CHD6: variants seen among roughly 807,000 people sequenced by gnomAD.
The protein encoded by CHD6 is ATP-dependent chromatin remodeler CHD6.
In CHD6, 50 loss-of-function variants were observed where a neutral mutation model predicts 276.9. That is an observed-to-expected ratio of 0.18 (90% CI 0.14 to 0.23). The LOEUF is 0.23. Among genes scored for constraint, CHD6 ranks in the 10% least tolerant of loss-of-function variants. CHD6 has a pLI of 1.00. For synonymous variants in CHD6, 1,173 were observed against 1,229.3 expected, an observed-to-expected ratio of 0.95 and a Z score of 0.96; for missense variants, 2,564 against 3,365.8, an observed-to-expected ratio of 0.76 and a Z score of 5.89.
chr20:41,458,502 C>G (rs952565761), intron 17 of CHD6, among the ~76,000 whole-genome samples: 2 of 151,958 alleles, frequency 1.3e-5, no homozygotes, highest in Non-Finnish European at 2.9e-5. Flanking sequence ...AAAAGGAAGA[C>G]GAGAATCAAC....
intron 1 of CHD6, among the ~76,000 whole-genome samples, chr20:41,555,157 G>A (rs1398090244): frequency 7.7e-6 from 1 of 129,374 alleles, no homozygotes; most frequent in Non-Finnish European, 1.6e-5. Flanking sequence ...GGGCAGAGGG[G>A]CTCCTCACTT....
At chr20:41,574,835 C>G (rs1333572070) in intron 1 of CHD6, among the ~76,000 whole-genome samples, 1 of 152,048 alleles carries the variant, frequency 6.6e-6, no homozygotes, top group African/African-American at 2.4e-5. Flanking sequence ...AGGCAGGGAA[C>G]CTAAGGCCGA....
In CHD6 at chr20:41,526,697, T is replaced by C. The variant is rs371841695; in HGVS notation, c.554+6353A>G. 8.2e-4 allele frequency among the ~76,000 whole-genome samples: 125 copies of C among 152,288 alleles called. 1 individual carries two copies. The highest frequency in any genetic ancestry group is 2.9e-3 in the African/African-American group (120 of 41,570). On this transcript the variant is annotated intron_variant, in intron 3 of 36. Coordinates refer to ENST00000373233, the MANE Select transcript of CHD6 (RefSeq NM_032221.5). ...ACAAATGGGGATGAAAAACTGAAAC[T>C]GGGGCTGATCACACCAACCACTTCT... is the stretch of plus-strand genomic sequence containing the variant.
intron 1 of CHD6, among the ~76,000 whole-genome samples, chr20:41,615,879 C>T (rs2045930838): frequency 6.6e-6 from 1 of 152,202 alleles, no homozygotes; most frequent in African/African-American, 2.4e-5. Context: ...AGCCATACTT[C>T]CAAGAAAACC....
chr20:41,498,657 C>T (rs546242154), intron 6 of CHD6, among the ~76,000 whole-genome samples: 2 of 152,258 alleles, frequency 1.3e-5, no homozygotes, highest in East Asian at 3.9e-4. Flanking sequence ...GCCGTGCTCT[C>T]ACCAGCACCA....
At chr20:41,576,067 T>C (rs1486727272) in intron 1 of CHD6, among the ~76,000 whole-genome samples, 1 of 151,416 alleles carries the variant, frequency 6.6e-6, no homozygotes, top group Non-Finnish European at 1.5e-5. Flanking sequence ...AAATTAATTC[T>C]TTTTTTTTCT....
In CHD6 at chr20:41,427,079, C is replaced by T. The variant is rs542232626; in HGVS notation, c.4069-926G>A. Among the ~76,000 whole-genome samples the T allele has an allele frequency of 6.6e-5, 10 of 152,018 alleles. No individual in the cohort carries two copies. In the Middle Eastern group the frequency reaches 0.014, roughly 207 times the overall value. The stretch of plus-strand genomic sequence containing the variant: ...GCCCTCAAGCTAAGAATGGTTCTTA[C>T]GTTTTTAAAGGGTGAAAAAAAGGGA... On this transcript the variant is annotated intron_variant, in intron 27 of 36. Transcript: ENST00000373233.
chr20:41,510,459 C>G (rs1365224012), intron 5 of CHD6, among the ~76,000 whole-genome samples: 1 of 152,204 alleles, frequency 6.6e-6, no homozygotes, highest in Admixed American at 6.5e-5. Flanking sequence ...GAGGCCAGCC[C>G]CACATGGTCG....
At position 41,531,224 on chromosome 20, in the gene CHD6, C is replaced by T. The variant is rs556657644; in HGVS notation, c.554+1826G>A. Among the ~76,000 whole-genome samples the T allele has an allele frequency of 3.4e-4, 51 of 152,234 alleles. No individual in the cohort carries two copies. In the South Asian group the frequency reaches 0.011, roughly 32 times the overall value. The stretch of plus-strand genomic sequence containing the variant: ...ACCAGTGGCTAAGTGGGCTCAGACA[C>T]CTATGGCTTTCTAATGTCTTCTAGA... On this transcript the variant is annotated intron_variant, in intron 3 of 36. Coordinates refer to ENST00000373233, the MANE Select transcript of CHD6 (RefSeq NM_032221.5).
chr20:41,587,921 G>A (rs1272415715), intron 1 of CHD6, among the ~76,000 whole-genome samples: 1 of 152,124 alleles, frequency 6.6e-6, no homozygotes, highest in Non-Finnish European at 1.5e-5. Flanking sequence ...TAAGCAATAG[G>A]AGTAAACGCT....
rs150853948 is a variant in CHD6, at chr20:41,464,921, C to T, written c.2665-7493G>A. On this transcript the variant is annotated intron_variant, in intron 17 of 36. Transcript: ENST00000373233. ...GAAGCCAATGTAAAGGAGCTACCAA[C>T]GGCCAAATCTGGACAACCTGAAAAC... Among the ~76,000 whole-genome samples, 62 of 152,278 alleles carry T rather than the reference C, an allele frequency of 4.1e-4. No individual in the cohort carries two copies. The East Asian group carries it at 9.4e-3, about 23-fold the overall frequency.
intron 17 of CHD6, among the ~76,000 whole-genome samples, chr20:41,471,830 C>G (rs1305755306): frequency 2.6e-5 from 4 of 152,116 alleles, no homozygotes; most frequent in Non-Finnish European, 5.9e-5. Context: ...CCACCGTGCC[C>G]GGCCATTATT....
In CHD6 at chr20:41,415,333, C is replaced by G. The variant is rs200490284; in HGVS notation, c.6792G>C (p.Leu2264=). The G allele has an allele frequency of 6.7e-5, 108 of 1,614,192 alleles. No individual in the cohort carries two copies. In the Middle Eastern group the frequency reaches 9.9e-4, roughly 15 times the overall value. The change falls in exon 34 of 37, where the codon CTG becomes CTC. Residue 2264 remains leucine, a synonymous_variant. Coordinates refer to ENST00000373233, the MANE Select transcript of CHD6 (RefSeq NM_032221.5). ...MDLSGILQAG[L]IHPVTGQIVN... is the part of the protein sequence containing the mutation. The stretch of plus-strand genomic sequence containing the variant: ...CAATCTGTCCAGTCACAGGATGGAT[C>G]AGGCCAGCTTGCAGAATCCCAGACA...
At position 41,420,580 on chromosome 20, in the gene CHD6, C is replaced by T; in HGVS notation, c.6055G>A (p.Glu2019Lys). 1 of 1,614,116 alleles carries T rather than the reference C, an allele frequency of 6.2e-7. No homozygotes were observed. The highest frequency in any genetic ancestry group is 8.5e-7 in the Non-Finnish European group (1 of 1,179,978). Residue 2019 changes from glutamate (E) to lysine (K), a missense_variant, in exon 31 of 37, where the codon GAG (glutamate) becomes AAG (lysine). By Grantham distance (56) the Glu-to-Lys change is moderately conservative. Transcript: ENST00000373233. The part of the protein sequence containing the change: ...VFPTYPLEGS[E>K]LKSEDMDFEN... ...AAATCCATGTCTTCTGATTTGAGCT[C>T]ACTTCCTTCAAGAGGATATGTGGGG...
chr20:41,413,642 G>A (rs76795216), intron 34 of CHD6, 127 bp from the exon 35 acceptor site: 12,273 of 813,780 alleles, frequency 0.015, 135 homozygotes, highest in South Asian at 0.03. Flanking sequence ...CTCAGCTGGG[G>A]TGCCTGAATT....
chr20:41,554,320 A>G lies in CHD6; in HGVS notation c.-23-2960T>C, dbSNP rs1178248465. 2.6e-5 allele frequency among the ~76,000 whole-genome samples: 4 copies of G among 152,296 alleles called. No individual in the cohort carries two copies. The East Asian group carries it at 7.7e-4, about 29-fold the overall frequency. ...AATAAAAACAAGCAGGGCACCTAAC[A>G]CTGCCAGGAATGTGGGAAAACAGGT... On this transcript the variant is annotated intron_variant, in intron 1 of 36. Transcript: ENST00000373233.
At chr20:41,499,193 T>G (rs543960720) in intron 6 of CHD6, 102 bp downstream of exon 6, 5 of 839,182 alleles carry the variant, frequency 6.0e-6, no homozygotes, top group East Asian at 2.8e-5. Flanking sequence ...TAGCTCTCAC[T>G]CCAGCCAATA....
At position 41,402,388 on chromosome 20, in the gene CHD6, A is replaced by T. The variant is rs190010822; in HGVS notation, c.*2205T>A. ...GAACACCCAGAGAGTTAACATACAG[A>T]TTCCATAAGGATAACAAGGGATTGA... On this transcript the variant is annotated 3_prime_UTR_variant, in exon 37 of 37. Coordinates refer to ENST00000373233, the MANE Select transcript of CHD6 (RefSeq NM_032221.5). 103 of 229,760 alleles carry T rather than the reference A, an allele frequency of 4.5e-4. No individual in the cohort carries two copies. The highest frequency in any genetic ancestry group is 2.1e-3 in the African/African-American group (93 of 45,278). The allele number at this position is 229,760 out of a possible 1,614,324, so 14.2% of individuals were successfully genotyped here.
chr20:41,580,884 A>G (rs1057416870), intron 1 of CHD6, among the ~76,000 whole-genome samples: 5 of 152,300 alleles, frequency 3.3e-5, no homozygotes, highest in Admixed American at 3.3e-4. Flanking sequence ...CCCTAGGAAT[A>G]GGGCAGATTG....
Sources: allele counts gnomAD v4.1 joint callset (sites outside exome capture counted in the v4.1 genomes callset), GRCh38; gene constraint gnomAD v4.1.1; transcripts MANE v1.5; gene names NCBI Gene and HGNC (gene_info 2026-07-23, HGNC 2026-07-21).